KAZN: variants seen among roughly 807,000 people sequenced by gnomAD.
KAZN encodes the protein kazrin.
Under a neutral mutation model 87.4 loss-of-function variants are expected in KAZN, and 40 were observed. The ratio of observed to expected loss-of-function variants is 0.46; its 90% confidence interval spans 0.36 to 0.60. The LOEUF is 0.60. Ranked by LOEUF, KAZN falls within the 20% of genes least tolerant of loss-of-function variation. KAZN has a pLI of 0.00. For synonymous variants in KAZN, 466 were observed against 458.3 expected (o/e 1.02, Z -0.22); for missense variants, 898 against 1,073.9 (o/e 0.84, Z 2.29).
intron 1 of KAZN, among the ~76,000 whole-genome samples, chr1:14,107,919 C>T (rs780137667): frequency 4.6e-5 from 7 of 152,150 alleles, no homozygotes; most frequent in African/African-American, 9.7e-5. Flanking sequence ...GTACTTGAAC[C>T]GGTAATTCCT....
chr1:14,331,019 T>A (rs1252242246), intron 2 of KAZN, among the ~76,000 whole-genome samples: 1 of 152,210 alleles, frequency 6.6e-6, no homozygotes, highest in African/African-American at 2.4e-5. Flanking sequence ...GGTCTGTGGC[T>A]TCCTTGAATA....
intron 1 of KAZN, among the ~76,000 whole-genome samples, chr1:14,925,596 TC>T (rs1367570767): frequency 1.3e-5 from 2 of 152,136 alleles, no homozygotes; most frequent in African/African-American, 4.8e-5. Flanking sequence ...GTGTTGGAAT[TC>T]CCAGTTTTGT....
intron 1 of KAZN, among the ~76,000 whole-genome samples, chr1:14,921,362 A>C (rs564675319): frequency 6.6e-6 from 1 of 152,202 alleles, no homozygotes; most frequent in African/African-American, 2.4e-5. Context: ...CTGGTGGCCA[A>C]TGGGCTACAT....
At chr1:14,513,860 G>T (rs888747554) in intron 2 of KAZN, among the ~76,000 whole-genome samples, 2 of 151,890 alleles carry the variant, frequency 1.3e-5, no homozygotes, top group African/African-American at 2.4e-5. Context: ...AATGTAGCAG[G>T]TTGCTACAAT....
chr1:14,525,614 G>A (rs1160177957), intron 2 of KAZN, among the ~76,000 whole-genome samples: 1 of 152,128 alleles, frequency 6.6e-6, no homozygotes, highest in African/African-American at 2.4e-5. Context: ...TACATAAACA[G>A]GTGACAGGCT....
intron 3 of KAZN, among the ~76,000 whole-genome samples, chr1:15,039,417 A>G (rs1672677919): frequency 6.6e-6 from 1 of 152,122 alleles, no homozygotes; most frequent in African/African-American, 2.4e-5. Flanking sequence ...GTTCAGAGGA[A>G]CGAAGGAATG....
At chr1:14,296,493 G>A (rs1418334318) in intron 2 of KAZN, among the ~76,000 whole-genome samples, 1 of 152,106 alleles carries the variant, frequency 6.6e-6, no homozygotes, top group Non-Finnish European at 1.5e-5. Context: ...CCTGCCTGGT[G>A]CCTACCTCAA....
At position 13,927,657 on chromosome 1, in the gene KAZN, G is replaced by A. The variant is rs114929160; in HGVS notation, c.91+33901G>A. 2.6e-3 allele frequency among the ~76,000 whole-genome samples: 388 copies of A among 151,626 alleles called. 1 individual carries two copies. Among genetic ancestry groups the A allele is most frequent in the African/African-American group, 8.9e-3 (365 of 40,908 alleles). Reference sequence around the variant, plus strand: ...TGAGCCAGGCATGTTTTTAGGCATGGAAAATACAGTGGATGCAGGATGGAG... The same window carrying A: ...TGAGCCAGGCATGTTTTTAGGCATGAAAAATACAGTGGATGCAGGATGGAG... On this transcript the variant is annotated intron_variant, in intron 1 of 16. Coordinates refer to the KAZN transcript ENST00000636203.
chr1:15,003,188 A>G (rs1240420912), intron 2 of KAZN, among the ~76,000 whole-genome samples: 1 of 152,096 alleles, frequency 6.6e-6, no homozygotes, highest in Non-Finnish European at 1.5e-5. Context: ...CCTTGGGAAT[A>G]ATGTCGTGGA....
At chr1:14,214,094 T>C (rs189242170) in intron 2 of KAZN, among the ~76,000 whole-genome samples, 1 of 152,296 alleles carries the variant, frequency 6.6e-6, no homozygotes, top group East Asian at 1.9e-4. Context: ...AAAATGGATA[T>C]GCAAGTCTGG....
rs897162105 is a variant in KAZN, at chr1:15,077,936, T to C, written c.1222+12183T>C. ...CATGGGGTAGGCATTTGATGTACAC[T>C]CATTAAGTCTTTCAACGAACACTGA... is the stretch of plus-strand genomic sequence containing the variant. On this transcript the variant is annotated intron_variant, in intron 8 of 14. Transcript: ENST00000376030. The surrounding 1 kb of genome is among the most constrained non-coding windows in gnomAD (Gnocchi z 4.8). 2.0e-5 allele frequency among the ~76,000 whole-genome samples: 3 copies of C among 152,140 alleles called. No individual in the cohort carries two copies. Among genetic ancestry groups the C allele is most frequent in the Admixed American group, 2.0e-4 (3 of 15,278 alleles).
At chr1:14,451,262 GC>G (rs954410578) in intron 2 of KAZN, among the ~76,000 whole-genome samples, 2 of 152,062 alleles carry the variant, frequency 1.3e-5, no homozygotes, top group African/African-American at 4.8e-5. Context: ...CACAAACCCA[GC>G]CCCCTCAGAG....
chr1:14,504,025 C>T (rs1670416231), intron 2 of KAZN, among the ~76,000 whole-genome samples: 1 of 152,160 alleles, frequency 6.6e-6, no homozygotes, highest in Admixed American at 6.5e-5. Flanking sequence ...AGGGGTAGGG[C>T]TGGCCTCCGA....
At chr1:14,297,208 C>T (rs1654192724) in intron 2 of KAZN, among the ~76,000 whole-genome samples, 1 of 152,112 alleles carries the variant, frequency 6.6e-6, no homozygotes. Context: ...GGGCCTGTGT[C>T]CCTGAAGTTC....
In KAZN at chr1:14,872,938, AGATGGATG is replaced by A. The variant is rs143254162; in HGVS notation, c.227-87723_227-87716del. On this transcript the variant is annotated intron_variant, in intron 1 of 14. Coordinates refer to ENST00000376030, the MANE Select transcript of KAZN (RefSeq NM_201628.3). Reference sequence around the variant, plus strand: ...TGGGTGGATGGATGGATGGATGGATAGATGGATGGATGGATGGATGGATGGATGGAAAG... The same window carrying A: ...TGGGTGGATGGATGGATGGATGGATAGATGGATGGATGGATGGATGGAAAG... Among the ~76,000 whole-genome samples the A allele has an allele frequency of 5.5e-5, 8 of 146,122 alleles. No individual in the cohort carries two copies. In the South Asian group the frequency reaches 8.8e-4, roughly 16 times the overall value.
rs375542636 is a variant in KAZN, at chr1:14,809,742, G to T, written c.227-150942G>T. 1.2e-4 allele frequency among the ~76,000 whole-genome samples: 19 copies of T among 152,274 alleles called. No homozygotes were observed. In the East Asian group the frequency reaches 3.3e-3, roughly 26 times the overall value. Reference sequence around the variant, plus strand: ...CAGCATGTACAGTGCTCGCCGTGTGGGTGGTAGGCATTGCTGCATGCCTGT... The same window carrying T: ...CAGCATGTACAGTGCTCGCCGTGTGTGTGGTAGGCATTGCTGCATGCCTGT... On this transcript the variant is annotated intron_variant, in intron 1 of 14. Transcript: ENST00000376030.
At chr1:14,759,186 G>A (rs115873255) in intron 1 of KAZN, among the ~76,000 whole-genome samples, 2 of 152,150 alleles carry the variant, frequency 1.3e-5, no homozygotes, top group South Asian at 2.1e-4. Flanking sequence ...GCAGGAGCTC[G>A]CGTTCCTATC....
chr1:14,476,523 T>A lies in KAZN; in HGVS notation c.250-122460T>A, dbSNP rs550545455. On this transcript the variant is annotated intron_variant, in intron 2 of 16. Transcript: ENST00000636203. The stretch of plus-strand genomic sequence containing the variant: ...CTATCAGAAGACAGACAACAGGGAC[T>A]GAACTGCATGCAGCCAAGAGCTTCC... 5.9e-5 allele frequency among the ~76,000 whole-genome samples: 9 copies of A among 152,322 alleles called. No homozygotes were observed. The East Asian group carries it at 1.7e-3, about 29-fold the overall frequency.
In KAZN at chr1:14,417,663, G is replaced by A. The variant is rs558083109; in HGVS notation, c.250-181320G>A. ...GGAAAGAACAGCCTTGGTCTTTGGGGCCATCAGAAAAAGACTGTCATCTGA... is the reference window on the plus strand; with the variant it reads ...GGAAAGAACAGCCTTGGTCTTTGGGACCATCAGAAAAAGACTGTCATCTGA... On this transcript the variant is annotated intron_variant, in intron 2 of 16. Coordinates refer to the KAZN transcript ENST00000636203. 3.0e-4 allele frequency among the ~76,000 whole-genome samples: 46 copies of A among 152,170 alleles called. 2 individuals carry two copies. In the South Asian group the frequency reaches 9.1e-3, roughly 30 times the overall value.
Sources: allele counts gnomAD v4.1 joint callset (sites outside exome capture counted in the v4.1 genomes callset), GRCh38; gene constraint gnomAD v4.1.1; non-coding constraint Gnocchi (gnomAD v3.1); transcripts MANE v1.5; gene names NCBI Gene and HGNC (gene_info 2026-07-23, HGNC 2026-07-21).